The following RFX7 variants were observed in gnomAD, a reference collection of about 807,000 sequenced individuals.
RFX7 encodes the protein DNA-binding protein RFX7.
In RFX7, 26 loss-of-function variants were observed where a neutral mutation model predicts 111.8. The ratio of observed to expected loss-of-function variants is 0.23; its 90% confidence interval spans 0.17 to 0.32. RFX7 has a LOEUF of 0.32. RFX7 is among the 10% of genes least tolerant of loss of function. The pLI is 1.00. For synonymous variants in RFX7, 624 were observed against 624.4 expected, an observed-to-expected ratio of 1.00 and a Z score of 0.01; for missense variants, 1,573 against 1,772.9, an observed-to-expected ratio of 0.89 and a Z score of 2.02.
At chr15:56,236,764 C>G (rs752264639) in intron 2 of RFX7, among the ~76,000 whole-genome samples, 4 of 152,168 alleles carry the variant, frequency 2.6e-5, no homozygotes, top group Non-Finnish European at 5.9e-5. Context: ...GGTTAAACAT[C>G]TCTTTATAAA....
At chr15:56,220,669 C>T (rs1567051090) in intron 2 of RFX7, among the ~76,000 whole-genome samples, 1 of 152,136 alleles carries the variant, frequency 6.6e-6, no homozygotes, top group Admixed American at 6.5e-5. Flanking sequence ...TTCTGCTGTG[C>T]AGAAGTTCTT....
intron 3 of RFX7, among the ~76,000 whole-genome samples, chr15:56,157,737 G>T (rs905650110): frequency 3.3e-5 from 5 of 152,104 alleles, no homozygotes; most frequent in Non-Finnish European, 5.9e-5. Context: ...GTGCCACCAC[G>T]CCCAGTTAAT....
rs184335909 is a variant in RFX7 at position 56,189,261 on chromosome 15, C to A, written c.162-9958G>T. Among the ~76,000 whole-genome samples, 33 of 152,160 alleles carry A rather than the reference C, an allele frequency of 2.2e-4. No individual in the cohort carries two copies. The East Asian group carries it at 5.4e-3, about 25-fold the overall frequency. ...AAAAAGCCAGGCGTGGTGGTGCATG[C>A]CTGTAGCCCTTAGCTACTTGGAGGC... On this transcript the variant is annotated intron_variant, in intron 2 of 9. Coordinates refer to ENST00000559447, the MANE Select transcript of RFX7 (RefSeq NM_022841.7).
Position 56,222,853 on chromosome 15 carries a change from T to C in RFX7, c.161+20272A>G, listed in dbSNP as rs545510026. Among the ~76,000 whole-genome samples the C allele has an allele frequency of 1.3e-3, 201 of 152,334 alleles. 1 individual carries two copies. Among genetic ancestry groups the C allele is most frequent in the African/African-American group, 4.8e-3 (198 of 41,586 alleles). On this transcript the variant is annotated intron_variant, in intron 2 of 9. Transcript: ENST00000559447. ...GTTCCCTGCTTCTTCATTTGTTTAG[T>C]AATTTTTTATACAGCTGGTCATTGT...
At chr15:56,231,290 T>G (rs191052112) in intron 2 of RFX7, among the ~76,000 whole-genome samples, 27 of 152,334 alleles carry the variant, frequency 1.8e-4, no homozygotes, top group African/African-American at 6.5e-4. Context: ...GTTTTCATGC[T>G]GCTGTTAAAG....
chr15:56,096,720 G>A (rs900292336), intron 9 of RFX7, 100 bp from the exon 10 acceptor site: 64 of 1,309,472 alleles, frequency 4.9e-5, no homozygotes, highest in Non-Finnish European at 5.1e-6. Flanking sequence ...AAATGTTAAT[G>A]TTAAAAAGAA....
intron 3 of RFX7, among the ~76,000 whole-genome samples, chr15:56,167,411 A>G (rs1421648865): frequency 2.0e-5 from 3 of 152,218 alleles, no homozygotes; most frequent in Non-Finnish European, 4.4e-5. Flanking sequence ...TCGGTAATAT[A>G]GACTGAGAAA....
At chr15:56,129,391 A>G (rs1237404307) in intron 5 of RFX7, among the ~76,000 whole-genome samples, 2 of 151,876 alleles carry the variant, frequency 1.3e-5, no homozygotes, top group African/African-American at 4.8e-5. Context: ...AAAAAAAAAA[A>G]GTTCCAAATC....
chr15:56,242,048 GAT>G (rs1444400958), intron 2 of RFX7, among the ~76,000 whole-genome samples: 1 of 152,162 alleles, frequency 6.6e-6, no homozygotes, highest in Non-Finnish European at 1.5e-5. Flanking sequence ...GTTGCTTTAC[GAT>G]ATGTTTTCAA....
chr15:56,184,953 T>A (rs1431981505), intron 2 of RFX7, among the ~76,000 whole-genome samples: 8 of 152,202 alleles, frequency 5.3e-5, no homozygotes, highest in African/African-American at 1.9e-4. Flanking sequence ...AAAACTAGCT[T>A]TGAGTTTTCT....
At chr15:56,231,938 A>G (rs11631915) in intron 2 of RFX7, among the ~76,000 whole-genome samples, 19,829 of 152,266 alleles carry the variant, frequency 0.13, 1,693 homozygotes, top group East Asian at 0.44. Flanking sequence ...TAAAGCTCCA[A>G]AATGATCTCC....
intron 5 of RFX7, among the ~76,000 whole-genome samples, chr15:56,126,783 T>A (rs947694398): frequency 6.6e-6 from 1 of 152,072 alleles, no homozygotes; most frequent in African/African-American, 2.4e-5. Flanking sequence ...AGAGAACTGT[T>A]ACCAAAGATA....
At chr15:56,205,400 C>T (rs2043239687) in intron 2 of RFX7, among the ~76,000 whole-genome samples, 1 of 152,132 alleles carries the variant, frequency 6.6e-6, no homozygotes, top group Non-Finnish European at 1.5e-5. Flanking sequence ...AATTTTGTTT[C>T]TCTCTTAGAA....
chr15:56,130,160 G>T (rs74987761), intron 5 of RFX7, among the ~76,000 whole-genome samples: 2 of 152,124 alleles, frequency 1.3e-5, no homozygotes, highest in Non-Finnish European at 2.9e-5. Context: ...TTGAAGATGA[G>T]CAGTGTGTTA....
At position 56,144,519 on chromosome 15, in the gene RFX7, A is replaced by T. The variant is rs1157774567; in HGVS notation, c.196-36T>A. Reference sequence around the variant, plus strand: ...AGGATTAAAAAGAAAGATCATTTTTAAAAAACACTCATTTTTCCCCAAACA... The same window carrying T: ...AGGATTAAAAAGAAAGATCATTTTTTAAAAACACTCATTTTTCCCCAAACA... On this transcript the variant is annotated intron_variant, in intron 3 of 9. Coordinates refer to ENST00000559447, the MANE Select transcript of RFX7 (RefSeq NM_022841.7). 4 of 1,215,162 alleles carry T rather than the reference A, an allele frequency of 3.3e-6. No individual in the cohort carries two copies. The South Asian group carries it at 4.8e-5, about 15-fold the overall frequency. 75.3% of individuals were successfully genotyped at this position (1,215,162 alleles called of 1,614,324 possible).
At chr15:56,176,564 C>T (rs1162499758) in intron 3 of RFX7, among the ~76,000 whole-genome samples, 1 of 152,096 alleles carries the variant, frequency 6.6e-6, no homozygotes, top group Non-Finnish European at 1.5e-5. Flanking sequence ...GTAAACCAGA[C>T]ATTCTATTTC....
intron 3 of RFX7, among the ~76,000 whole-genome samples, chr15:56,146,861 A>T (rs1567026707): frequency 1.3e-5 from 2 of 152,068 alleles, no homozygotes; most frequent in Middle Eastern, 6.8e-3. Context: ...TAAAGCAAAC[A>T]AAAAAAATGA....
At chr15:56,099,586 A>C (rs1463431310) in intron 8 of RFX7, among the ~76,000 whole-genome samples, 2 of 152,112 alleles carry the variant, frequency 1.3e-5, no homozygotes, top group Admixed American at 1.3e-4. Flanking sequence ...GACTTACAAA[A>C]GGACATTTGT....
intron 2 of RFX7, among the ~76,000 whole-genome samples, chr15:56,235,474 G>C (rs2141239774): frequency 6.6e-6 from 1 of 152,198 alleles, no homozygotes. Context: ...TGACAATACA[G>C]GTGCTCAAAA....
Sources: gnomAD v4.1 joint callset for allele counts (sites outside exome capture counted in the v4.1 genomes callset) on GRCh38, gnomAD v4.1.1 for gene constraint, MANE v1.5 for transcripts, NCBI Gene and HGNC (gene_info 2026-07-23, HGNC 2026-07-21) for gene names.